Variants in SLC35F3 observed in about 807,000 individuals in gnomAD.
SLC35F3 encodes the protein solute carrier family 35 member F3.
Under a neutral mutation model 49.9 loss-of-function variants are expected in SLC35F3, and 25 were observed. The observed-to-expected ratio is 0.50, with a 90% confidence interval of 0.37 to 0.70. The LOEUF is 0.70. SLC35F3 is among the 30% of genes least tolerant of loss of function. SLC35F3 has a pLI of 0.00. For missense variants in SLC35F3, 525 were observed against 639.8 expected (o/e 0.82, Z 1.94); for synonymous variants, 275 against 265.4 (o/e 1.04, Z -0.35).
At chr1:233,960,716 T>C (rs1214387207) in intron 2 of SLC35F3, among the ~76,000 whole-genome samples, 1 of 152,188 alleles carries the variant, frequency 6.6e-6, no homozygotes, top group Non-Finnish European at 1.5e-5. Context: ...TCACAGAAGA[T>C]GGGTTTAGGA....
chr1:234,280,603 G>A (rs1372073164), intron 3 of SLC35F3, among the ~76,000 whole-genome samples: 2 of 152,244 alleles, frequency 1.3e-5, no homozygotes, highest in Non-Finnish European at 2.9e-5. Flanking sequence ...GCATGGTGAC[G>A]AGGCCCTTTC....
At chr1:234,082,767 C>T (rs975607324) in intron 2 of SLC35F3, among the ~76,000 whole-genome samples, 1 of 152,090 alleles carries the variant, frequency 6.6e-6, no homozygotes, top group Non-Finnish European at 1.5e-5. Context: ...AAGGCAAAAC[C>T]CTTTATAAAA....
rs80189296 is a variant in SLC35F3 at position 234,140,657 on chromosome 1, G to A, written c.284-90760G>A. On this transcript the variant is annotated intron_variant, in intron 2 of 7. Coordinates refer to ENST00000366618, the MANE Select transcript of SLC35F3 (RefSeq NM_173508.4). ...ACACAAAAGTTCAGAAACGGCAGACGAACACTCAGGGGGATGCTCATAATA... is the reference window on the plus strand; with the variant it reads ...ACACAAAAGTTCAGAAACGGCAGACAAACACTCAGGGGGATGCTCATAATA... 4.9e-3 allele frequency among the ~76,000 whole-genome samples: 742 copies of A among 150,684 alleles called. 8 individuals are homozygous for A. The highest frequency in any genetic ancestry group is 0.021 in the South Asian group (103 of 4,800).
At chr1:233,994,353 G>A (rs1572012379) in intron 2 of SLC35F3, among the ~76,000 whole-genome samples, 1 of 152,178 alleles carries the variant, frequency 6.6e-6, no homozygotes, top group East Asian at 1.9e-4. Context: ...CAAAATGGCA[G>A]ACCTCATAAG....
chr1:233,909,184 G>C (rs530251176), intron 2 of SLC35F3, among the ~76,000 whole-genome samples: 28 of 152,246 alleles, frequency 1.8e-4, no homozygotes, highest in African/African-American at 5.3e-4. Context: ...AATCCCAAAG[G>C]CTCCTGGGTC....
chr1:234,114,962 C>A (rs771014084), intron 2 of SLC35F3, among the ~76,000 whole-genome samples: 1 of 152,044 alleles, frequency 6.6e-6, no homozygotes, highest in Non-Finnish European at 1.5e-5. Flanking sequence ...TAAAGGGGAC[C>A]GGGTATTGAG....
intron 2 of SLC35F3, among the ~76,000 whole-genome samples, chr1:234,049,969 A>G (rs553214666): frequency 2.0e-5 from 3 of 152,256 alleles, no homozygotes; most frequent in African/African-American, 7.2e-5. Context: ...ACATGAACTC[A>G]TCCTTTTTTA....
At chr1:233,918,433 G>C (rs60740594) in intron 2 of SLC35F3, among the ~76,000 whole-genome samples, 1 of 152,168 alleles carries the variant, frequency 6.6e-6, no homozygotes, top group South Asian at 2.1e-4. Context: ...TGTGATTTTG[G>C]GGGAAACATA....
intron 3 of SLC35F3, among the ~76,000 whole-genome samples, chr1:234,291,786 G>T (rs1668511889): frequency 6.6e-6 from 1 of 152,160 alleles, no homozygotes; most frequent in Admixed American, 6.5e-5. Context: ...GCTAATTAGG[G>T]TAATCTTGCC....
chr1:234,209,356 G>T (rs1221742359), intron 2 of SLC35F3, among the ~76,000 whole-genome samples: 1 of 151,726 alleles, frequency 6.6e-6, no homozygotes, highest in Non-Finnish European at 1.5e-5. Flanking sequence ...ACTCCAGTTA[G>T]GCCATAATAA....
At chr1:233,987,666 G>T (rs6664502) in intron 2 of SLC35F3, among the ~76,000 whole-genome samples, 1 of 152,004 alleles carries the variant, frequency 6.6e-6, no homozygotes, top group Non-Finnish European at 1.5e-5. Flanking sequence ...AAAAGTTCAC[G>T]TTTTCTCAGA....
At position 234,002,079 on chromosome 1, in the gene SLC35F3, G is replaced by C. The variant is rs1276869861; in HGVS notation, c.283+96321G>C. Among the ~76,000 whole-genome samples the C allele has an allele frequency of 2.0e-5, 3 of 152,334 alleles. 1 individual carries two copies. The highest frequency in any genetic ancestry group is 6.5e-5 in the Admixed American group (1 of 15,290). Reference sequence around the variant, plus strand: ...TGGCTGTAGACAGGACTTTCAGCATGAACAGAGAGTCTTGCACCTCTCTAT... The same window carrying C: ...TGGCTGTAGACAGGACTTTCAGCATCAACAGAGAGTCTTGCACCTCTCTAT... On this transcript the variant is annotated intron_variant, in intron 2 of 7. Transcript: ENST00000366618.
intron 2 of SLC35F3, chr1:234,212,725 T>C (rs1427338158): frequency 6.6e-6 from 1 of 152,246 alleles, no homozygotes; most frequent in African/African-American, 2.4e-5. Context: ...AGTTACTATA[T>C]ATAATAAATT....
Position 234,214,476 on chromosome 1 carries a change from C to T in SLC35F3, c.284-16941C>T. 1.3e-6 allele frequency: 2 copies of T among 1,522,082 alleles called. No individual in the cohort carries two copies. Among genetic ancestry groups the T allele is most frequent in the South Asian group, 2.5e-5 (2 of 80,752 alleles). 94.3% of individuals were successfully genotyped at this position (1,522,082 alleles called of 1,614,324 possible). ...AGGATGTAGGCGATCGGCGGCAGCGCTCCTGCAGGCGGCCGGCTCATCATG... is the reference window on the plus strand; with the variant it reads ...AGGATGTAGGCGATCGGCGGCAGCGTTCCTGCAGGCGGCCGGCTCATCATG... On this transcript the variant is annotated intron_variant, in intron 2 of 7. Transcript: ENST00000366618. The surrounding 1 kb of genome is among the most constrained non-coding windows in gnomAD (Gnocchi z 8.0).
intron 2 of SLC35F3, among the ~76,000 whole-genome samples, chr1:234,225,784 T>C (rs1260848622): frequency 6.6e-6 from 1 of 152,230 alleles, no homozygotes; most frequent in African/African-American, 2.4e-5. Flanking sequence ...AATCTGCATG[T>C]CCATCGATAG....
chr1:234,198,755 T>C (rs1255321376), intron 2 of SLC35F3, among the ~76,000 whole-genome samples: 1 of 152,188 alleles, frequency 6.6e-6, no homozygotes. Context: ...CCATTTTTTG[T>C]GGTGAGAATG....
chr1:234,119,214 C>T (rs974140306), intron 2 of SLC35F3, among the ~76,000 whole-genome samples: 3 of 151,908 alleles, frequency 2.0e-5, no homozygotes, highest in African/African-American at 7.3e-5. Flanking sequence ...CCACCTACCA[C>T]ACACACAAAT....
At chr1:234,240,831 T>G (rs1667543956) in intron 3 of SLC35F3, among the ~76,000 whole-genome samples, 2 of 152,154 alleles carry the variant, frequency 1.3e-5, no homozygotes, top group Non-Finnish European at 2.9e-5. Flanking sequence ...CCTGTCATTG[T>G]TTTAGGCTGT....
intron 2 of SLC35F3, among the ~76,000 whole-genome samples, chr1:234,218,816 C>T (rs1667159789): frequency 1.3e-5 from 2 of 151,894 alleles, no homozygotes; most frequent in African/African-American, 4.8e-5. Flanking sequence ...TTTGGGAGGC[C>T]GAGGTGGGTG....
Sources: allele counts gnomAD v4.1 joint callset (sites outside exome capture counted in the v4.1 genomes callset), GRCh38; gene constraint gnomAD v4.1.1; non-coding constraint Gnocchi (gnomAD v3.1); transcripts MANE v1.5; gene names NCBI Gene and HGNC (gene_info 2026-07-23, HGNC 2026-07-21).